Variants in GFRA2 observed in about 807,000 individuals in gnomAD.
GFRA2 encodes GDNF family receptor alpha-2.
A neutral mutation model predicts 48.3 loss-of-function variants in GFRA2; 17 were observed. The ratio of observed to expected loss-of-function variants is 0.35; its 90% CI spans 0.24 to 0.53. GFRA2 has a LOEUF of 0.53. Among genes scored for constraint, GFRA2 ranks in the 20% least tolerant of loss-of-function variants. GFRA2 has a pLI of 0.93. For missense variants in GFRA2, 660 were observed against 637.3 expected, an observed-to-expected ratio of 1.04 and a Z score of -0.38; for synonymous variants, 305 against 257.2, an observed-to-expected ratio of 1.19 and a Z score of -1.78.
At chr8:21,811,011 T>C (rs1807967902) in intron 1 of GFRA2, among the ~76,000 whole-genome samples, 2 of 152,230 alleles carry the variant, frequency 1.3e-5, no homozygotes, top group South Asian at 4.1e-4. Context: ...TTGACACTCT[T>C]GTCCTCTCCA....
intron 4 of GFRA2, among the ~76,000 whole-genome samples, chr8:21,736,946 G>A (rs997778014): frequency 1.3e-5 from 2 of 149,308 alleles, no homozygotes; most frequent in Non-Finnish European, 3.0e-5. Context: ...GGGAGGGGAG[G>A]GGAGGCCTCC....
intron 4 of GFRA2, among the ~76,000 whole-genome samples, chr8:21,707,595 G>C (rs1802813453): frequency 6.6e-6 from 1 of 152,182 alleles, no homozygotes. Context: ...GCTAAGAGAA[G>C]GCCATGGGTA....
chr8:21,724,267 C>T (rs1367778340), intron 4 of GFRA2, among the ~76,000 whole-genome samples: 3 of 152,052 alleles, frequency 2.0e-5, no homozygotes, highest in African/African-American at 7.3e-5. Flanking sequence ...ATCTCGTTGC[C>T]CCTTGGCCTA....
intron 4 of GFRA2, among the ~76,000 whole-genome samples, chr8:21,714,424 G>T (rs1218640712): frequency 2.6e-5 from 4 of 151,450 alleles, no homozygotes; most frequent in Non-Finnish European, 5.9e-5. Context: ...AATTTTTTTT[G>T]TATTTTTAGT....
intron 3 of GFRA2, among the ~76,000 whole-genome samples, chr8:21,758,205 CCA>C (rs68120271): frequency 0.29 from 25,394 of 88,986 alleles, 2,174 homozygotes; most frequent in African/African-American, 0.45. Flanking sequence ...GGCCCACTCC[CCA>C]CACACACACA....
chr8:21,720,720 AC>A (rs1803554520), intron 4 of GFRA2, among the ~76,000 whole-genome samples: 1 of 151,860 alleles, frequency 6.6e-6, no homozygotes, highest in African/African-American at 2.4e-5. Context: ...CCTCCAGTTC[AC>A]CCTTCCAAAC....
rs372946118 is a variant in GFRA2 at position 21,702,900 on chromosome 8, C to T, written c.1123G>A (p.Ala375Thr). Residue 375 changes from alanine (A) to threonine (T), a missense_variant, in exon 7 of 9, where the codon GCC becomes ACC. Physicochemically the swap from Ala to Thr is moderately conservative, Grantham distance 58. Coordinates refer to ENST00000524240, the MANE Select transcript of GFRA2 (RefSeq NM_001495.5). The stretch of plus-strand genomic sequence containing the variant: ...GAAGGCGTCTTCTCCACCCGAGGGG[C>T]CTGGGTGGCCTGGAACGAGGGGCCT... Reference protein sequence around the residue: ...PKGPSFQATQAPRVEKTPSLP... With the variant: ...PKGPSFQATQTPRVEKTPSLP... The T allele has an allele frequency of 6.3e-7, 1 of 1,597,512 alleles. No individual in the cohort carries two copies. Among genetic ancestry groups the T allele is most frequent in the Admixed American group, 1.8e-5 (1 of 56,814 alleles).
intron 4 of GFRA2, among the ~76,000 whole-genome samples, chr8:21,714,246 C>CTTTTGTTTTTTTT (rs1803218368): frequency 1.3e-5 from 1 of 78,400 alleles, no homozygotes; most frequent in Non-Finnish European, 2.2e-5. Flanking sequence ...GTCTGAAGTT[C>CTTTTGTTTTTTTT]TTTTTTTTTT....
chr8:21,724,703 C>T (rs1316741766), intron 4 of GFRA2, among the ~76,000 whole-genome samples: 1 of 152,126 alleles, frequency 6.6e-6, no homozygotes, highest in Non-Finnish European at 1.5e-5. Flanking sequence ...AGGCCGTGTA[C>T]ATAGAAACAA....
intron 4 of GFRA2, among the ~76,000 whole-genome samples, chr8:21,727,981 C>T (rs1585262198): frequency 6.6e-6 from 1 of 152,174 alleles, no homozygotes; most frequent in African/African-American, 2.4e-5. Flanking sequence ...AGGAAGAGTT[C>T]TAGAAAATGC....
chr8:21,783,924 CTT>C (rs1229198383), intron 1 of GFRA2, among the ~76,000 whole-genome samples: 2 of 152,066 alleles, frequency 1.3e-5, no homozygotes, highest in Admixed American at 1.3e-4. Context: ...CAGCTCCTCT[CTT>C]TCTTTCCTCT....
chr8:21,714,812 A>G (rs1356487954), intron 4 of GFRA2, among the ~76,000 whole-genome samples: 2 of 152,086 alleles, frequency 1.3e-5, no homozygotes, highest in African/African-American at 4.8e-5. Flanking sequence ...TGACACAAAC[A>G]AGGGCGGCCA....
Position 21,745,307 on chromosome 8 carries a change from A to G in GFRA2, c.794+5281T>C, listed in dbSNP as rs372521811. ...TGGGCATCTCTAGGCCAACTCCCTC[A>G]GCAGGAGGAGGGACCACAGGGGCCA... is the stretch of plus-strand genomic sequence containing the variant. On this transcript the variant is annotated intron_variant, in intron 4 of 8. Transcript: ENST00000524240. Among the ~76,000 whole-genome samples the G allele has an allele frequency of 1.4e-4, 22 of 152,260 alleles. 1 individual carries two copies. Among genetic ancestry groups the G allele is most frequent in the South Asian group, 1.0e-3 (5 of 4,818 alleles).
intron 4 of GFRA2, among the ~76,000 whole-genome samples, chr8:21,711,693 T>C (rs900332734): frequency 6.6e-6 from 1 of 151,908 alleles, no homozygotes; most frequent in Non-Finnish European, 1.5e-5. Context: ...TTTTTCTTTT[T>C]TTTTTTTTTT....
intron 2 of GFRA2, among the ~76,000 whole-genome samples, chr8:21,798,103 C>T (rs1394031707): frequency 6.6e-6 from 1 of 152,200 alleles, no homozygotes; most frequent in African/African-American, 2.4e-5. Context: ...AGGCAGTCTG[C>T]ACTCCCCCAA....
intron 4 of GFRA2, among the ~76,000 whole-genome samples, chr8:21,730,735 A>G (rs569509548): frequency 6.6e-6 from 1 of 152,326 alleles, no homozygotes; most frequent in East Asian, 1.9e-4. Context: ...CACAGAATGT[A>G]CAGCCCTCAA....
At chr8:21,756,041 G>A (rs13251072) in intron 3 of GFRA2, among the ~76,000 whole-genome samples, 1 of 152,230 alleles carries the variant, frequency 6.6e-6, no homozygotes, top group Non-Finnish European at 1.5e-5. Flanking sequence ...GAGCGGCCGG[G>A]GGCCAAGGTG....
chr8:21,750,845 G>A lies in GFRA2; in HGVS notation c.537C>T (p.Ser179=). The change falls in exon 4 of 9, where the codon TCC becomes TCT. Residue 179 remains serine, a synonymous_variant. Transcript: ENST00000524240. The surrounding 1 kb of genome is among the most constrained non-coding windows in gnomAD (Gnocchi z 5.7). ...NLNDNCKKLR[S]SYISICNREI... ...CGCGGTTGCAGATGGAGATGTAGGA[G>A]GAGCGCAGCTTCTTGCAGTTGTCAT... The A allele has an allele frequency of 6.2e-7, 1 of 1,613,974 alleles. No individual in the cohort carries two copies. The highest frequency in any genetic ancestry group is 8.5e-7 in the Non-Finnish European group (1 of 1,179,868).
intron 3 of GFRA2, among the ~76,000 whole-genome samples, chr8:21,764,452 C>G (rs150432618): frequency 0.014 from 2,121 of 152,350 alleles, 56 homozygotes; most frequent in African/African-American, 0.048. Flanking sequence ...ATTTGTTGGG[C>G]AGCAGGACCA....
Sources: allele counts gnomAD v4.1 joint callset (sites outside exome capture counted in the v4.1 genomes callset), GRCh38; gene constraint gnomAD v4.1.1; non-coding constraint Gnocchi (gnomAD v3.1); transcripts MANE v1.5; gene names NCBI Gene and HGNC (gene_info 2026-07-23, HGNC 2026-07-21).